Variants in ULK4 observed in about 807,000 individuals in gnomAD.
ULK4 encodes inactive serine/threonine-protein kinase ULK4.
A neutral mutation model predicts 160.6 loss-of-function variants in ULK4; 133 were observed. That is an observed-to-expected ratio of 0.83 (90% CI 0.72 to 0.96). The LOEUF (loss-of-function observed/expected upper bound fraction) is 0.96. ULK4 is among the 40% of genes least tolerant of loss of function. The probability of loss-of-function intolerance (pLI) is 0.00; values close to 1 mark genes in which losing one functional copy is unlikely to be tolerated. For missense variants in ULK4, 1,580 were observed against 1,499.5 expected, an observed-to-expected ratio of 1.05 and a Z score of -0.89; for synonymous variants, 534 against 539.8, an observed-to-expected ratio of 0.99 and a Z score of 0.15.
chr3:41,840,430 T>C (rs911811424), intron 17 of ULK4, among the ~76,000 whole-genome samples: 3 of 152,226 alleles, frequency 2.0e-5, no homozygotes, highest in African/African-American at 7.2e-5. Flanking sequence ...GGCTGGACTG[T>C]ACTGCCGTGG....
At chr3:41,255,326 A>C (rs2222577) in intron 35 of ULK4, among the ~76,000 whole-genome samples, 34,310 of 151,818 alleles carry the variant, frequency 0.23, 6,957 homozygotes, top group African/African-American at 0.54. Context: ...TACTAAAAAT[A>C]AAAAAAATTA....
intron 30 of ULK4, among the ~76,000 whole-genome samples, chr3:41,636,371 C>T (rs1213912542): frequency 6.6e-6 from 1 of 151,756 alleles, no homozygotes; most frequent in Non-Finnish European, 1.5e-5. Flanking sequence ...CTCATCTTTA[C>T]AAAAAATACA....
intron 21 of ULK4, among the ~76,000 whole-genome samples, chr3:41,786,319 G>A (rs1288053346): frequency 6.6e-6 from 1 of 152,100 alleles, no homozygotes; most frequent in Non-Finnish European, 1.5e-5. Context: ...TAAACATTCA[G>A]GGCCAGGAAT....
intron 30 of ULK4, among the ~76,000 whole-genome samples, chr3:41,617,681 T>G (rs1336088714): frequency 6.6e-6 from 1 of 152,126 alleles, no homozygotes; most frequent in African/African-American, 2.4e-5. Flanking sequence ...AGCACAAAAA[T>G]GCTGAAAATT....
Position 41,853,335 on chromosome 3 carries a change from A to C in ULK4, c.1657-17364T>G, listed in dbSNP as rs150276732. On this transcript the variant is annotated intron_variant, in intron 17 of 36. Transcript: ENST00000301831. ...ACATGAGAATCACCCATATAGCTTT[A>C]AAGACTAGAGACACTTCCATCCACC... Among the ~76,000 whole-genome samples, 259 of 152,272 alleles carry C rather than the reference A, an allele frequency of 1.7e-3. 1 individual carries two copies. The highest frequency in any genetic ancestry group is 0.01 in the Middle Eastern group (3 of 294).
chr3:41,714,747 G>A (rs975283464), intron 25 of ULK4, among the ~76,000 whole-genome samples: 2 of 151,758 alleles, frequency 1.3e-5, no homozygotes, highest in African/African-American at 4.9e-5. Flanking sequence ...AGACACTGTG[G>A]GGGCTGGGTC....
At chr3:41,355,600 A>G (rs2081014496) in intron 35 of ULK4, among the ~76,000 whole-genome samples, 1 of 152,236 alleles carries the variant, frequency 6.6e-6, no homozygotes, top group East Asian at 1.9e-4. Flanking sequence ...CTGTATAATC[A>G]GCACTCATGT....
intron 27 of ULK4, among the ~76,000 whole-genome samples, chr3:41,698,351 T>C (rs2036566245): frequency 6.6e-6 from 1 of 152,178 alleles, no homozygotes; most frequent in African/African-American, 2.4e-5. Context: ...GGCCTTGAAC[T>C]CCTAGGCTCC....
chr3:41,451,237 G>A (rs1316606594), intron 34 of ULK4, among the ~76,000 whole-genome samples: 1 of 151,968 alleles, frequency 6.6e-6, no homozygotes, highest in African/African-American at 2.4e-5. Context: ...AAATAAGCAG[G>A]GAACAAGAGG....
At chr3:41,445,147 T>C (rs1220884183) in intron 34 of ULK4, among the ~76,000 whole-genome samples, 2 of 152,080 alleles carry the variant, frequency 1.3e-5, no homozygotes, top group African/African-American at 2.4e-5. Context: ...GATAAAATAC[T>C]TAGGAATCCA....
intron 16 of ULK4, among the ~76,000 whole-genome samples, chr3:41,891,367 C>G (rs955218674): frequency 2.1e-5 from 3 of 143,068 alleles, no homozygotes; most frequent in African/African-American, 5.2e-5. Flanking sequence ...GGGAGGGAGG[C>G]AGGCAGGCAG....
chr3:41,393,426 A>C (rs889723752), intron 35 of ULK4, among the ~76,000 whole-genome samples: 3 of 152,100 alleles, frequency 2.0e-5, no homozygotes, highest in Non-Finnish European at 4.4e-5. Flanking sequence ...ATCTGGCTCC[A>C]TGGATTTCTG....
intron 35 of ULK4, among the ~76,000 whole-genome samples, chr3:41,360,103 C>A (rs992806898): frequency 6.6e-6 from 1 of 151,916 alleles, no homozygotes; most frequent in Non-Finnish European, 1.5e-5. Flanking sequence ...AAAAAGTGGG[C>A]AAAGGATATG....
intron 31 of ULK4, among the ~76,000 whole-genome samples, chr3:41,579,898 C>A (rs1263196915): frequency 6.6e-6 from 1 of 152,076 alleles, no homozygotes; most frequent in Non-Finnish European, 1.5e-5. Context: ...GTTTTCCTGG[C>A]ATGCCATTAC....
chr3:41,896,006 C>T (rs1212623953), intron 15 of ULK4, among the ~76,000 whole-genome samples: 1 of 152,040 alleles, frequency 6.6e-6, no homozygotes, highest in East Asian at 1.9e-4. Context: ...GAAACAAAAA[C>T]CAAAAAAACT....
chr3:41,815,033 C>T (rs1321026652), intron 19 of ULK4, among the ~76,000 whole-genome samples: 2 of 151,686 alleles, frequency 1.3e-5, no homozygotes, highest in Admixed American at 6.6e-5. Context: ...CTCAGCCTCC[C>T]GAGTAGCTGG....
At chr3:41,439,854 T>G (rs1414187805) in intron 34 of ULK4, among the ~76,000 whole-genome samples, 5 of 152,230 alleles carry the variant, frequency 3.3e-5, no homozygotes, top group Non-Finnish European at 7.3e-5. Flanking sequence ...TTCCCGCTCC[T>G]GAACCAGGTA....
chr3:41,898,284 A>T, intron 14 of ULK4, 148 bp downstream of exon 14: 1 of 526,458 alleles, frequency 1.9e-6, no homozygotes. Flanking sequence ...GATTGTTTAC[A>T]ATTCGTGTAA....
At chr3:41,941,832 G>A (rs1699970576) in intron 2 of ULK4, among the ~76,000 whole-genome samples, 1 of 150,398 alleles carries the variant, frequency 6.6e-6, no homozygotes, top group African/African-American at 2.4e-5. Context: ...AAGACCACCT[G>A]GTGACCATGT....
Sources: allele counts gnomAD v4.1 joint callset (sites outside exome capture counted in the v4.1 genomes callset), GRCh38; gene constraint gnomAD v4.1.1; transcripts MANE v1.5; gene names NCBI Gene and HGNC (gene_info 2026-07-23, HGNC 2026-07-21).